CHGB: variants seen among roughly 807,000 people sequenced by gnomAD.
CHGB encodes the protein chromogranin B, also known as secretogranin-1.
In CHGB, 46 loss-of-function variants were observed where a neutral mutation model predicts 69.9. The ratio of observed to expected loss-of-function variants is 0.66; its 90% CI spans 0.52 to 0.84. CHGB has a LOEUF of 0.84. CHGB is among the 40% of genes least tolerant of loss of function. The probability of loss-of-function intolerance (pLI) is 0.00; values close to 1 mark genes in which losing one functional copy is unlikely to be tolerated. For missense variants in CHGB, 796 were observed against 822.2 expected, an observed-to-expected ratio of 0.97 and a Z score of 0.39; for synonymous variants, 312 against 298.2, an observed-to-expected ratio of 1.05 and a Z score of -0.48.
intron 1 of CHGB, chr20:5,916,071 A>G: frequency 2.0e-6 from 1 of 488,866 alleles, no homozygotes; most frequent in Non-Finnish European, 3.7e-6. Flanking sequence ...TCATGAGTAT[A>G]CAGCTTAATA....
In CHGB at chr20:5,911,605, T is replaced by C; in HGVS notation, c.-29T>C. The C allele has an allele frequency of 6.6e-7, 1 of 1,519,542 alleles. No individual in the cohort carries two copies. The highest frequency in any genetic ancestry group is 8.8e-7 in the Non-Finnish European group (1 of 1,139,106). The allele number at this position is 1,519,542 out of a possible 1,614,324, so 94.1% of individuals were successfully genotyped here. On this transcript the variant is annotated 5_prime_UTR_variant, in exon 1 of 5. Transcript: ENST00000378961. ...TTCTCCGGTCCAGCCGCCATCTTCC[T>C]TTCCGCACAGGGGCCGCCGAGCGGG...
intron 3 of CHGB, 72 bp from the exon 4 acceptor site, chr20:5,922,263 G>C: frequency 6.8e-7 from 1 of 1,475,514 alleles, no homozygotes; most frequent in African/African-American, 1.4e-5. Context: ...GATTTGTAGT[G>C]ATTACTGAGG....
At chr20:5,911,806 T>C in intron 1 of CHGB, 124 bp downstream of exon 1, 1 of 929,872 alleles carries the variant, frequency 1.1e-6, no homozygotes, top group Non-Finnish European at 1.5e-6. Context: ...GGTTTACCTC[T>C]TGCTTCGTTT....
intron 3 of CHGB, among the ~76,000 whole-genome samples, chr20:5,918,501 A>C (rs1458687853): frequency 6.6e-6 from 1 of 152,078 alleles, no homozygotes; most frequent in East Asian, 1.9e-4. Context: ...GGTAAAAAGC[A>C]AATAGTGATT....
At chr20:5,913,608 TTTTTCTTTTC>T (rs143954799) in intron 1 of CHGB, among the ~76,000 whole-genome samples, 7 of 140,032 alleles carry the variant, frequency 5.0e-5, no homozygotes, top group Admixed American at 2.9e-4. Context: ...TTTATCTTTC[TTTTTCTTTTC>T]TTTTCTTTTC....
At chr20:5,924,874 A>C (rs2088540741) in intron 4 of CHGB, 98 bp from the exon 5 acceptor site, 1 of 681,764 alleles carries the variant, frequency 1.5e-6, no homozygotes, top group Admixed American at 2.4e-5. Context: ...TGCAGCTTCT[A>C]ACATGCCTAA....
chr20:5,925,160 C>A lies in CHGB; in HGVS notation c.*111C>A. 1.6e-6 allele frequency: 1 copy of A among 635,000 alleles called. No homozygotes were observed. The highest frequency in any genetic ancestry group is 2.7e-6 in the Non-Finnish European group (1 of 364,644). The allele number at this position is 635,000 out of a possible 1,614,324, so 39.3% of individuals were successfully genotyped here. On this transcript the variant is annotated 3_prime_UTR_variant, in exon 5 of 5. Coordinates refer to ENST00000378961, the MANE Select transcript of CHGB (RefSeq NM_001819.3). ...ACCCAAGGGCAGAAAGTAGAACTTA[C>A]TATTCATTAAATGTTTGACACAATT...
Position 5,924,110 on chromosome 20 carries a change from A to C in CHGB, c.1956+10A>C. On this transcript the variant is annotated intron_variant, in intron 4 of 4. Coordinates refer to ENST00000378961, the MANE Select transcript of CHGB (RefSeq NM_001819.3). ...CCTGACAGAGGACGAGGTATGGTCT[A>C]GGGCTTCTGTTTAAAAGTACTTACT... is the stretch of plus-strand genomic sequence containing the variant. The C allele has an allele frequency of 6.3e-7, 1 of 1,582,044 alleles. No individual in the cohort carries two copies. The highest frequency in any genetic ancestry group is 8.6e-7 in the Non-Finnish European group (1 of 1,165,186).
intron 1 of CHGB, among the ~76,000 whole-genome samples, chr20:5,912,433 C>T (rs559709283): frequency 4.3e-4 from 66 of 151,910 alleles, no homozygotes; most frequent in Non-Finnish European, 8.4e-4. Context: ...GACTTCTGTA[C>T]TCCAGGAAAA....
Position 5,925,099 on chromosome 20 carries a change from G to T in CHGB, c.*50G>T. On this transcript the variant is annotated 3_prime_UTR_variant, in exon 5 of 5. Coordinates refer to ENST00000378961, the MANE Select transcript of CHGB (RefSeq NM_001819.3). ...TTAAGAAGCAGCCATCACATGATCT[G>T]TTTTTCACCACTTCACTGAAAGACA... 1.6e-6 allele frequency: 2 copies of T among 1,247,148 alleles called. No individual in the cohort carries two copies. The highest frequency in any genetic ancestry group is 1.5e-5 in the African/African-American group (1 of 66,580). 77.3% of individuals were successfully genotyped at this position (1,247,148 alleles called of 1,614,324 possible).
intron 2 of CHGB, among the ~76,000 whole-genome samples, 182 bp from the exon 3 acceptor site, chr20:5,916,644 C>A (rs1042639793): frequency 2.0e-4 from 30 of 152,176 alleles, no homozygotes; most frequent in African/African-American, 7.2e-4. Context: ...TGCCTTCTTG[C>A]ATTATTCTGT....
chr20:5,914,323 A>C (rs914464407), intron 1 of CHGB, among the ~76,000 whole-genome samples: 3 of 152,302 alleles, frequency 2.0e-5, no homozygotes, highest in African/African-American at 7.2e-5. Flanking sequence ...AGCAGACCCT[A>C]GTTTTTTTTT....
chr20:5,912,765 G>T lies in CHGB; in HGVS notation c.49+1083G>T, dbSNP rs1336007783. On this transcript the variant is annotated intron_variant, in intron 1 of 4. Transcript: ENST00000378961. Reference sequence around the variant, plus strand: ...TTTCTTCAGCTGTTTTAATGATTTAGAAAATTGTCCATATCTGAGATTGAG... The same window carrying T: ...TTTCTTCAGCTGTTTTAATGATTTATAAAATTGTCCATATCTGAGATTGAG... Among the ~76,000 whole-genome samples, 3 of 152,090 alleles carry T rather than the reference G, an allele frequency of 2.0e-5. No individual in the cohort carries two copies. The East Asian group carries it at 5.8e-4, about 29-fold the overall frequency.
At chr20:5,922,098 G>T (rs2088517304) in intron 3 of CHGB, among the ~76,000 whole-genome samples, 1 of 152,178 alleles carries the variant, frequency 6.6e-6, no homozygotes, top group Non-Finnish European at 1.5e-5. Context: ...AATGAGAGAA[G>T]CTGGCTGGGC....
In CHGB at chr20:5,923,640, C is replaced by G; in HGVS notation, c.1496C>G (p.Ala499Gly). The G allele has an allele frequency of 6.2e-7, 1 of 1,613,864 alleles. No homozygotes were observed. Among genetic ancestry groups the G allele is most frequent in the Non-Finnish European group, 8.5e-7 (1 of 1,179,870 alleles). Residue 499 changes from alanine to glycine, a missense_variant, in exon 4 of 5, where the codon GCT becomes GGT. Physicochemically the swap from Ala to Gly is moderately conservative, Grantham distance 60. This residue lies in a region of CHGB where 274 missense variants were observed against 298.9 expected (regional missense o/e 0.92). Coordinates refer to ENST00000378961, the MANE Select transcript of CHGB (RefSeq NM_001819.3). ...LQDTKENREE[A>G]RFQDKQYSSH... ...GACACTAAAGAAAACAGGGAGGAAG[C>G]TAGGTTTCAAGATAAACAATATAGC...
intron 3 of CHGB, among the ~76,000 whole-genome samples, chr20:5,921,393 A>G (rs1392970244): frequency 6.6e-6 from 1 of 152,130 alleles, no homozygotes; most frequent in Non-Finnish European, 1.5e-5. Context: ...TTTTATCTGA[A>G]CTCTGTGACA....
chr20:5,919,899 A>G (rs1282371232), intron 3 of CHGB, among the ~76,000 whole-genome samples: 4 of 152,206 alleles, frequency 2.6e-5, no homozygotes, highest in African/African-American at 9.7e-5. Context: ...GTATTTGGGG[A>G]GTAGGACAGA....
At chr20:5,917,137 CCT>C in intron 3 of CHGB, 1 of 554,590 alleles carries the variant, frequency 1.8e-6, no homozygotes, top group South Asian at 2.1e-5. Flanking sequence ...AGACAGTTTG[CCT>C]CTCTTTTCCT....
chr20:5,923,203 C>T lies in CHGB; in HGVS notation c.1059C>T (p.Ala353=). Residue 353 remains alanine (A), a synonymous_variant, in exon 4 of 5, where the codon GCC becomes GCT. Transcript: ENST00000378961. ...EEIKGYPGVQ[A]PEDLEWERYR... is the part of the protein sequence containing the mutation. ...TAAAGGGTTATCCAGGCGTCCAGGC[C>T]CCTGAGGACCTGGAGTGGGAGCGCT... The T allele has an allele frequency of 6.2e-7, 1 of 1,613,748 alleles. No homozygotes were observed. The highest frequency in any genetic ancestry group is 8.5e-7 in the Non-Finnish European group (1 of 1,179,822).
Sources: gnomAD v4.1 joint callset for allele counts (sites outside exome capture counted in the v4.1 genomes callset) on GRCh38, gnomAD v4.1.1 for gene constraint, gnomAD v4.1.1 regional missense constraint, MANE v1.5 for transcripts, NCBI Gene and HGNC (gene_info 2026-07-23, HGNC 2026-07-21) for gene names.